PTPRD: variants seen among roughly 807,000 people sequenced by gnomAD.
PTPRD encodes protein tyrosine phosphatase receptor type D.
A neutral mutation model predicts 214.5 loss-of-function variants in PTPRD; 34 were observed. The ratio of observed to expected loss-of-function variants is 0.16; its 90% CI spans 0.12 to 0.21. The LOEUF is 0.21. Ranked by LOEUF, PTPRD falls within the 10% of genes least tolerant of loss-of-function variation. PTPRD has a pLI of 1.00. For missense variants in PTPRD, 2,545 were observed against 2,398.7 expected (o/e 1.06, Z -1.27); for synonymous variants, 1,128 against 845.7 (o/e 1.33, Z -5.79).
At chr9:9,983,439 G>A (rs906363496) in intron 4 of PTPRD, among the ~76,000 whole-genome samples, 2 of 152,164 alleles carry the variant, frequency 1.3e-5, no homozygotes, top group African/African-American at 4.8e-5. Context: ...GTATGTAAAA[G>A]TATGCAAAGT....
intron 19 of PTPRD, 84 bp from the exon 20 acceptor site, chr9:8,521,630 C>A (rs2138936603): frequency 3.5e-6 from 5 of 1,430,276 alleles, no homozygotes; most frequent in Non-Finnish European, 4.7e-6. Flanking sequence ...ACCGTACAGA[C>A]ACGATTCAAC....
chr9:9,904,787 T>C (rs572945972), intron 5 of PTPRD, among the ~76,000 whole-genome samples: 1 of 152,142 alleles, frequency 6.6e-6, no homozygotes, highest in East Asian at 1.9e-4. Context: ...GGAAAATAGA[T>C]GACATAAAAG....
At chr9:9,919,554 C>T (rs906246102) in intron 5 of PTPRD, among the ~76,000 whole-genome samples, 2 of 152,076 alleles carry the variant, frequency 1.3e-5, no homozygotes, top group South Asian at 2.1e-4. Flanking sequence ...GTCTAAAGGC[C>T]CAATGATTCA....
At chr9:10,106,249 C>G (rs2098631355) in intron 3 of PTPRD, among the ~76,000 whole-genome samples, 1 of 151,686 alleles carries the variant, frequency 6.6e-6, no homozygotes, top group African/African-American at 2.4e-5. Flanking sequence ...ATATATTGTT[C>G]TAGGACCTCC....
intron 5 of PTPRD, among the ~76,000 whole-genome samples, chr9:9,880,755 A>G (rs10117699): frequency 0.025 from 3,800 of 152,226 alleles, 59 homozygotes; most frequent in Middle Eastern, 0.044. Context: ...TTTAGTGGTG[A>G]GACTATTAAA....
intron 11 of PTPRD, among the ~76,000 whole-genome samples, chr9:8,964,743 T>A (rs745653694): frequency 5.3e-5 from 8 of 152,060 alleles, no homozygotes; most frequent in Non-Finnish European, 1.0e-4. Flanking sequence ...AGAGATTTTG[T>A]TTTGTTGTGT....
At chr9:8,761,992 A>T (rs1219912779) in intron 11 of PTPRD, among the ~76,000 whole-genome samples, 1 of 152,172 alleles carries the variant, frequency 6.6e-6, no homozygotes, top group African/African-American at 2.4e-5. Flanking sequence ...TCAGATGCCC[A>T]ATTTAGGTAC....
At chr9:8,357,049 T>C (rs1238168252) in intron 39 of PTPRD, among the ~76,000 whole-genome samples, 3 of 152,162 alleles carry the variant, frequency 2.0e-5, no homozygotes, top group African/African-American at 7.2e-5. Context: ...TGCTGACGGA[T>C]TAACTCATGG....
At chr9:8,441,939 ATGTACATAAAGCTGGGTCTTTAAGAC>A (rs1483116411) in intron 34 of PTPRD, among the ~76,000 whole-genome samples, 3 of 148,370 alleles carry the variant, frequency 2.0e-5, no homozygotes, top group African/African-American at 7.3e-5. Flanking sequence ...AAGTGGTGAC[ATGTACATAAAGCTGGGTCTTTAAGAC>A]TGTTTGGGCT....
intron 5 of PTPRD, among the ~76,000 whole-genome samples, chr9:9,768,629 A>C (rs1281488673): frequency 6.6e-6 from 1 of 152,176 alleles, no homozygotes; most frequent in Non-Finnish European, 1.5e-5. Flanking sequence ...TAATAGCTAT[A>C]ATTTTATGTT....
At chr9:8,614,869 T>A (rs979351260) in intron 14 of PTPRD, among the ~76,000 whole-genome samples, 2 of 152,142 alleles carry the variant, frequency 1.3e-5, no homozygotes, top group South Asian at 4.1e-4. Context: ...AATCTACATA[T>A]GGCAAGTAAC....
intron 2 of PTPRD, among the ~76,000 whole-genome samples, chr9:10,480,870 A>T (rs2099093278): frequency 6.6e-6 from 1 of 152,304 alleles, no homozygotes; most frequent in Non-Finnish European, 1.5e-5. Context: ...TAGGGAAATT[A>T]TCCTACTGTA....
intron 11 of PTPRD, among the ~76,000 whole-genome samples, chr9:8,926,248 G>T (rs1018150363): frequency 6.6e-6 from 1 of 151,996 alleles, no homozygotes; most frequent in Non-Finnish European, 1.5e-5. Flanking sequence ...ACTTATTTCA[G>T]ATGTTACCAC....
intron 7 of PTPRD, among the ~76,000 whole-genome samples, chr9:9,581,454 A>ATCT (rs1303521945): frequency 6.6e-6 from 1 of 152,136 alleles, no homozygotes; most frequent in Non-Finnish European, 1.5e-5. Flanking sequence ...TTGAACTCTT[A>ATCT]TCTTTCAAGA....
Position 9,841,953 on chromosome 9 carries a change from AT to A in PTPRD, c.-367-75103del, listed in dbSNP as rs769962104. On this transcript the variant is annotated intron_variant, in intron 5 of 45. Coordinates refer to ENST00000381196, the MANE Select transcript of PTPRD (RefSeq NM_002839.4). ...ACACATAAGTACTCATGTTAAAAAC[AT>A]TTTTTTTTATCTTTGCTAGGACAAG... is the stretch of plus-strand genomic sequence containing the variant. 3.8e-3 allele frequency among the ~76,000 whole-genome samples: 575 copies of A among 151,412 alleles called. 3 individuals carry two copies. Among genetic ancestry groups the A allele is most frequent in the African/African-American group, 0.012 (503 of 41,330 alleles).
At chr9:8,826,628 C>T (rs573455802) in intron 11 of PTPRD, among the ~76,000 whole-genome samples, 1 of 104,736 alleles carries the variant, frequency 9.5e-6, no homozygotes, top group Admixed American at 1.0e-4. Flanking sequence ...ACTGCAGGCA[C>T]CATCTTTTTT....
At chr9:9,092,313 T>C (rs374327103) in intron 10 of PTPRD, among the ~76,000 whole-genome samples, 22 of 152,140 alleles carry the variant, frequency 1.4e-4, no homozygotes, top group African/African-American at 5.3e-4. Context: ...CTGGTACTGA[T>C]TTCTATACCA....
chr9:9,374,374 A>T (rs566821459), intron 9 of PTPRD, among the ~76,000 whole-genome samples: 35 of 152,248 alleles, frequency 2.3e-4, no homozygotes, highest in African/African-American at 7.5e-4. Context: ...TCAAAACAAA[A>T]TTATATTTAA....
At chr9:9,243,126 G>C (rs1252521291) in intron 9 of PTPRD, among the ~76,000 whole-genome samples, 1 of 152,006 alleles carries the variant, frequency 6.6e-6, no homozygotes, top group Admixed American at 6.6e-5. Flanking sequence ...TGTTTGCCTG[G>C]GTATCAGCAG....
Sources: gnomAD v4.1 joint callset for allele counts (sites outside exome capture counted in the v4.1 genomes callset) on GRCh38, gnomAD v4.1.1 for gene constraint, MANE v1.5 for transcripts, NCBI Gene and HGNC (gene_info 2026-07-23, HGNC 2026-07-21) for gene names.